The following TMCC1 variants were observed in gnomAD, a reference collection of about 807,000 sequenced individuals.
The protein encoded by TMCC1 is transmembrane and coiled-coil domain family 1.
In TMCC1, 15 loss-of-function variants were observed where a neutral mutation model predicts 52.4. The ratio of observed to expected loss-of-function variants is 0.29; its 90% CI spans 0.19 to 0.44. The LOEUF (loss-of-function observed/expected upper bound fraction) is 0.44, where lower values mean the gene tolerates loss of function less well. Among genes scored for constraint, TMCC1 ranks in the 20% least tolerant of loss-of-function variants. TMCC1 has a pLI of 1.00. For missense variants in TMCC1, 503 were observed against 806.0 expected, an observed-to-expected ratio of 0.62 and a Z score of 4.55; for synonymous variants, 279 against 301.9, an observed-to-expected ratio of 0.92 and a Z score of 0.79.
At chr3:129,821,163 C>T (rs1393307564) in intron 4 of TMCC1, among the ~76,000 whole-genome samples, 1 of 152,104 alleles carries the variant, frequency 6.6e-6, no homozygotes, top group African/African-American at 2.4e-5. Flanking sequence ...TATTACACTC[C>T]CCACACTAAG....
chr3:129,842,893 A>G (rs937615046), intron 2 of TMCC1, among the ~76,000 whole-genome samples: 19 of 152,248 alleles, frequency 1.2e-4, no homozygotes, highest in Non-Finnish European at 2.4e-4. Flanking sequence ...AAATACTTGC[A>G]AAGTAAACAA....
intron 4 of TMCC1, among the ~76,000 whole-genome samples, chr3:129,793,415 G>T (rs2056608902): frequency 6.6e-6 from 1 of 152,188 alleles, no homozygotes; most frequent in African/African-American, 2.4e-5. Flanking sequence ...TAACAATTCT[G>T]ATTAACAGCC....
At chr3:129,837,692 C>A (rs1277039909) in intron 2 of TMCC1, among the ~76,000 whole-genome samples, 2 of 151,960 alleles carry the variant, frequency 1.3e-5, no homozygotes, top group African/African-American at 4.8e-5. Flanking sequence ...AGAGCCAGAC[C>A]CACGTATGAC....
chr3:129,743,246 G>GTCAC (rs1005265300), intron 4 of TMCC1, among the ~76,000 whole-genome samples: 2 of 152,228 alleles, frequency 1.3e-5, no homozygotes, highest in Non-Finnish European at 2.9e-5. Flanking sequence ...CCACAGACGA[G>GTCAC]TCTCACTTGT....
chr3:129,752,797 G>A (rs1576689787), intron 4 of TMCC1, among the ~76,000 whole-genome samples: 1 of 152,150 alleles, frequency 6.6e-6, no homozygotes, highest in Non-Finnish European at 1.5e-5. Flanking sequence ...AGACACACCT[G>A]AGACTCAGTA....
Position 129,670,528 on chromosome 3 carries a change from C to A in TMCC1, c.1313G>T (p.Gly438Val), listed in dbSNP as rs747872082. ...GCTGGATGCTCCTACAGCGATGCCCCCTGTGGTGCTGTTGGCTCCCACTGA... is the reference window on the plus strand; with the variant it reads ...GCTGGATGCTCCTACAGCGATGCCCACTGTGGTGCTGTTGGCTCCCACTGA... The part of the protein sequence containing the change: ...SGSVGANSTT[G>V]GIAVGASSSK... Residue 438 changes from glycine (G) to valine (V), a missense_variant, in exon 5 of 7, where the codon GGG becomes GTG. Gly to Val is a moderately radical substitution (Grantham distance 109). This residue lies in a region of TMCC1 where 121 missense variants were observed against 193.6 expected (regional missense o/e 0.62). Coordinates refer to ENST00000393238, the MANE Select transcript of TMCC1 (RefSeq NM_001017395.5). The A allele has an allele frequency of 6.2e-7, 1 of 1,614,192 alleles. No homozygotes were observed.
chr3:129,843,922 A>AC lies in TMCC1; in HGVS notation c.-183-11097_-183-11096insG, dbSNP rs1214820917. ...AAAACAGACACTACCAAAAAAAAAAAAAAACAACTCTGCATGCAGACCAGT... is the reference window on the plus strand; with the variant it reads ...AAAACAGACACTACCAAAAAAAAAAACAAAACAACTCTGCATGCAGACCAGT... On this transcript the variant is annotated intron_variant, in intron 2 of 6. Transcript: ENST00000393238. Among the ~76,000 whole-genome samples, 4 of 151,738 alleles carry AC rather than the reference A, an allele frequency of 2.6e-5. No individual in the cohort carries two copies. The East Asian group carries it at 7.7e-4, about 29-fold the overall frequency.
At chr3:129,869,304 C>T (rs1374111676) in intron 2 of TMCC1, among the ~76,000 whole-genome samples, 1 of 152,072 alleles carries the variant, frequency 6.6e-6, no homozygotes, top group East Asian at 1.9e-4. Context: ...CACACCCCTC[C>T]CCCATAGCTT....
chr3:129,732,984 T>G (rs184416995), intron 4 of TMCC1, among the ~76,000 whole-genome samples: 158 of 152,364 alleles, frequency 1.0e-3, no homozygotes, highest in African/African-American at 3.4e-3. Flanking sequence ...GCTGTGTTGA[T>G]TTGAAGCCTG....
At chr3:129,753,277 A>G (rs559442005) in intron 4 of TMCC1, among the ~76,000 whole-genome samples, 1 of 152,352 alleles carries the variant, frequency 6.6e-6, no homozygotes, top group South Asian at 2.1e-4. Flanking sequence ...CTAACTTTAT[A>G]TATATCCAAT....
intron 2 of TMCC1, among the ~76,000 whole-genome samples, chr3:129,838,965 T>C (rs965853940): frequency 6.6e-6 from 1 of 152,058 alleles, no homozygotes; most frequent in African/African-American, 2.4e-5. Context: ...GCCCATCCAG[T>C]ATTCTACATC....
chr3:129,776,338 TAAGTG>T (rs1375509511), intron 4 of TMCC1, among the ~76,000 whole-genome samples: 4 of 152,208 alleles, frequency 2.6e-5, no homozygotes, highest in Non-Finnish European at 5.9e-5. Context: ...ATTAAATAAA[TAAGTG>T]AATAAAATGT....
chr3:129,770,035 G>A (rs938995635), intron 4 of TMCC1, among the ~76,000 whole-genome samples: 6 of 152,070 alleles, frequency 3.9e-5, no homozygotes, highest in Admixed American at 1.3e-4. Context: ...AATTCAAATG[G>A]CCTACCTTGC....
chr3:129,833,166 TAAAG>T (rs1008559038), intron 2 of TMCC1, among the ~76,000 whole-genome samples: 8 of 152,156 alleles, frequency 5.3e-5, no homozygotes, highest in African/African-American at 1.9e-4. Flanking sequence ...ATTCTAATCT[TAAAG>T]TAACATGAAA....
At chr3:129,688,541 C>G in intron 4 of TMCC1, 1 of 985,508 alleles carries the variant, frequency 1.0e-6, no homozygotes, top group Non-Finnish European at 1.2e-6. Context: ...TTAATACCCT[C>G]GCATAGCCAA....
At chr3:129,826,179 A>C (rs1576999821) in intron 4 of TMCC1, among the ~76,000 whole-genome samples, 1 of 152,232 alleles carries the variant, frequency 6.6e-6, no homozygotes. Context: ...TTGGGTAATC[A>C]GTGACCAAAT....
chr3:129,785,841 C>G (rs1222437743), intron 4 of TMCC1, among the ~76,000 whole-genome samples: 4 of 151,946 alleles, frequency 2.6e-5, no homozygotes, highest in Non-Finnish European at 5.9e-5. Context: ...TTTAGCAACC[C>G]CATTACCTTA....
intron 4 of TMCC1, among the ~76,000 whole-genome samples, chr3:129,733,243 A>G (rs886321350): frequency 2.0e-5 from 3 of 152,262 alleles, no homozygotes; most frequent in Non-Finnish European, 1.5e-5. Flanking sequence ...TAACTGGAGT[A>G]CAATCCAACT....
rs532857418 is a variant in TMCC1, at chr3:129,713,199, C to T, written c.577-41935G>A. ...ATGGCTTGAACTCAGGAGAAGGAGG[C>T]TGTAGTGAGCAGTGATCATGCCACT... On this transcript the variant is annotated intron_variant, in intron 4 of 6. Coordinates refer to ENST00000393238, the MANE Select transcript of TMCC1 (RefSeq NM_001017395.5). Among the ~76,000 whole-genome samples the T allele has an allele frequency of 3.3e-5, 5 of 152,284 alleles. No homozygotes were observed. In the South Asian group the frequency reaches 8.3e-4, roughly 25 times the overall value.
Sources: allele counts gnomAD v4.1 joint callset (sites outside exome capture counted in the v4.1 genomes callset), GRCh38; gene constraint gnomAD v4.1.1; regional missense constraint gnomAD v4.1.1; transcripts MANE v1.5; gene names NCBI Gene and HGNC (gene_info 2026-07-23, HGNC 2026-07-21).